The following CACNA2D1 variants were observed in gnomAD, a reference collection of about 807,000 sequenced individuals.
The protein encoded by CACNA2D1 is voltage-dependent calcium channel subunit alpha-2/delta-1.
CACNA2D1 carries 53 observed loss-of-function variants against 171.5 expected under a neutral mutation model. That is an observed-to-expected ratio of 0.31 (90% confidence interval 0.25 to 0.39). CACNA2D1 has a LOEUF of 0.39. Among genes scored for constraint, CACNA2D1 ranks in the 10% least tolerant of loss-of-function variants. CACNA2D1 has a pLI of 1.00. For missense variants in CACNA2D1, 903 were observed against 1,299.8 expected (o/e 0.69, Z 4.69); for synonymous variants, 442 against 443.1 (o/e 1.00, Z 0.03).
At chr7:82,183,733 A>C (rs1797377731) in intron 3 of CACNA2D1, among the ~76,000 whole-genome samples, 1 of 152,166 alleles carries the variant, frequency 6.6e-6, no homozygotes, top group Non-Finnish European at 1.5e-5. Flanking sequence ...AAAGGAGGAC[A>C]GGGTTCTTTT....
intron 3 of CACNA2D1, among the ~76,000 whole-genome samples, chr7:82,173,176 C>A (rs1796226071): frequency 1.3e-5 from 2 of 152,070 alleles, no homozygotes; most frequent in African/African-American, 2.4e-5. Context: ...TGACAGTAAT[C>A]ATCACAGTTA....
In CACNA2D1 at chr7:82,360,481, T is replaced by C. The variant is rs143057915; in HGVS notation, c.96-10832A>G. On this transcript the variant is annotated intron_variant, in intron 1 of 38. Coordinates refer to ENST00000356860, the MANE Select transcript of CACNA2D1 (RefSeq NM_000722.4). ...TTAAACAAGTACCATTTATTTTACT[T>C]ACAACCAGAAGTTGTACTACTTTCA... Among the ~76,000 whole-genome samples the C allele has an allele frequency of 4.6e-3, 706 of 152,286 alleles. 4 individuals are homozygous for C. The highest frequency in any genetic ancestry group is 0.016 in the African/African-American group (684 of 41,574).
intron 3 of CACNA2D1, among the ~76,000 whole-genome samples, chr7:82,189,942 T>G (rs1373529435): frequency 6.6e-6 from 1 of 151,944 alleles, no homozygotes; most frequent in Non-Finnish European, 1.5e-5. Context: ...AATGAAATGA[T>G]AGGAGCCACA....
intron 14 of CACNA2D1, among the ~76,000 whole-genome samples, chr7:82,012,741 AGCT>A (rs1170687260): frequency 6.6e-6 from 1 of 152,158 alleles, no homozygotes; most frequent in African/African-American, 2.4e-5. Context: ...ACTCAAATGC[AGCT>A]GCTGTTTCAT....
chr7:82,389,146 A>T (rs959597987), intron 1 of CACNA2D1, among the ~76,000 whole-genome samples: 77 of 131,016 alleles, frequency 5.9e-4, no homozygotes, highest in African/African-American at 2.4e-3. Context: ...ATATATATAT[A>T]TTTATATATA....
intron 3 of CACNA2D1, among the ~76,000 whole-genome samples, chr7:82,236,369 G>T (rs1360524274): frequency 6.6e-6 from 1 of 151,950 alleles, no homozygotes; most frequent in Non-Finnish European, 1.5e-5. Context: ...AAAAACAGTG[G>T]TAGTCAATAG....
intron 38 of CACNA2D1, among the ~76,000 whole-genome samples, chr7:81,951,877 T>A (rs1232925293): frequency 6.6e-6 from 1 of 151,906 alleles, no homozygotes; most frequent in Non-Finnish European, 1.5e-5. Context: ...CTGGATCAAA[T>A]GGTAGTTCTA....
At chr7:82,358,563 G>C (rs1321819815) in intron 1 of CACNA2D1, among the ~76,000 whole-genome samples, 1 of 152,112 alleles carries the variant, frequency 6.6e-6, no homozygotes, top group Non-Finnish European at 1.5e-5. Flanking sequence ...AGGCAGAAAA[G>C]GATGTACTCA....
intron 3 of CACNA2D1, among the ~76,000 whole-genome samples, chr7:82,284,085 C>T (rs1365416284): frequency 6.6e-6 from 1 of 151,454 alleles, no homozygotes; most frequent in East Asian, 1.9e-4. Flanking sequence ...GTCCCAGATA[C>T]TAGAGAGGCT....
intron 3 of CACNA2D1, among the ~76,000 whole-genome samples, chr7:82,265,928 T>G (rs1182683335): frequency 1.3e-5 from 2 of 152,184 alleles, no homozygotes; most frequent in Non-Finnish European, 2.9e-5. Context: ...ACCTATATTT[T>G]TGGCAACTTA....
intron 6 of CACNA2D1, among the ~76,000 whole-genome samples, chr7:82,091,916 T>C (rs1369426243): frequency 6.6e-6 from 1 of 152,216 alleles, no homozygotes; most frequent in Non-Finnish European, 1.5e-5. Flanking sequence ...ATACTAAGGA[T>C]CCTAGACAGC....
At chr7:82,035,394 T>C (rs1157461821) in intron 11 of CACNA2D1, among the ~76,000 whole-genome samples, 1 of 151,536 alleles carries the variant, frequency 6.6e-6, no homozygotes, top group African/African-American at 2.4e-5. Context: ...CTGGAAGTGT[T>C]TGAAAGAAAA....
At chr7:82,319,929 C>T (rs374310818) in intron 3 of CACNA2D1, among the ~76,000 whole-genome samples, 7 of 152,170 alleles carry the variant, frequency 4.6e-5, no homozygotes, top group African/African-American at 1.7e-4. Flanking sequence ...CGTCAGCTCC[C>T]GTAGAATACA....
chr7:82,033,494 A>G (rs560514376), intron 11 of CACNA2D1, among the ~76,000 whole-genome samples: 4 of 152,230 alleles, frequency 2.6e-5, no homozygotes, highest in Admixed American at 1.3e-4. Flanking sequence ...CCACTTTCAA[A>G]TAAGTGTTTT....
Position 82,173,203 on chromosome 7 carries a change from C to T in CACNA2D1, c.295-2594G>A, listed in dbSNP as rs535293558. ...TCACAGTTAACTATTTCCAGAGAAA[C>T]AGAATAACAGTGGCAACAAACTATA... On this transcript the variant is annotated intron_variant, in intron 3 of 38. Coordinates refer to ENST00000356860, the MANE Select transcript of CACNA2D1 (RefSeq NM_000722.4). Among the ~76,000 whole-genome samples the T allele has an allele frequency of 1.7e-3, 258 of 152,116 alleles. 1 individual carries two copies. The highest frequency in any genetic ancestry group is 5.9e-3 in the African/African-American group (247 of 41,526).
At chr7:82,067,778 A>G (rs1208546481) in intron 7 of CACNA2D1, among the ~76,000 whole-genome samples, 1 of 152,172 alleles carries the variant, frequency 6.6e-6, no homozygotes, top group African/African-American at 2.4e-5. Flanking sequence ...ATGCTGATAC[A>G]CACATCAGTT....
chr7:82,314,058 A>G (rs1814798116), intron 3 of CACNA2D1, among the ~76,000 whole-genome samples: 3 of 152,154 alleles, frequency 2.0e-5, no homozygotes, highest in Non-Finnish European at 2.9e-5. Flanking sequence ...ATACCTTTCT[A>G]AAAGAATCAC....
At chr7:82,246,585 G>A (rs1005512833) in intron 3 of CACNA2D1, among the ~76,000 whole-genome samples, 1 of 152,116 alleles carries the variant, frequency 6.6e-6, no homozygotes, top group Admixed American at 6.6e-5. Context: ...TTTGTTTGCA[G>A]AGTAGGGAGA....
At chr7:82,020,028 T>C (rs1018175770) in intron 12 of CACNA2D1, among the ~76,000 whole-genome samples, 6 of 152,178 alleles carry the variant, frequency 3.9e-5, no homozygotes, top group African/African-American at 1.4e-4. Context: ...GACTAGCCTA[T>C]ATCTCCAGTT....
Sources: gnomAD v4.1 joint callset for allele counts (sites outside exome capture counted in the v4.1 genomes callset) on GRCh38, gnomAD v4.1.1 for gene constraint, MANE v1.5 for transcripts, NCBI Gene and HGNC (gene_info 2026-07-23, HGNC 2026-07-21) for gene names.